MRPL30: variants seen among roughly 807,000 people sequenced by gnomAD.
MRPL30 encodes large ribosomal subunit protein uL30m.
A neutral mutation model predicts 17.2 loss-of-function variants in MRPL30; 10 were observed. The ratio of observed to expected loss-of-function variants is 0.58; its 90% CI spans 0.36 to 0.99. The LOEUF (loss-of-function observed/expected upper bound fraction) is 0.99. Ranked by LOEUF, MRPL30 falls within the 50% of genes least tolerant of loss-of-function variation. The pLI, the probability that MRPL30 is intolerant of heterozygous loss-of-function variation, is 0.01. For missense variants in MRPL30, 170 were observed against 189.8 expected, an observed-to-expected ratio of 0.90 and a Z score of 0.61; for synonymous variants, 61 against 62.1, an observed-to-expected ratio of 0.98 and a Z score of 0.08.
At chr2:99,190,594 C>G (rs915111610) in intron 3 of MRPL30, among the ~76,000 whole-genome samples, 1 of 152,144 alleles carries the variant, frequency 6.6e-6, no homozygotes, top group Non-Finnish European at 1.5e-5. Flanking sequence ...TTTTTCAAGT[C>G]ATTGTCTTTC....
At chr2:99,183,838 C>G (rs1452150292) in intron 1 of MRPL30, among the ~76,000 whole-genome samples, 1 of 152,104 alleles carries the variant, frequency 6.6e-6, no homozygotes, top group Non-Finnish European at 1.5e-5. Flanking sequence ...TTTTGCTATT[C>G]CAGGATCCCA....
At chr2:99,190,233 C>T (rs1420046992) in intron 3 of MRPL30, among the ~76,000 whole-genome samples, 1 of 152,188 alleles carries the variant, frequency 6.6e-6, no homozygotes, top group Non-Finnish European at 1.5e-5. Flanking sequence ...CCATTGACTA[C>T]TTTGATACCT....
chr2:99,194,003 A>G (rs998776312), intron 3 of MRPL30, among the ~76,000 whole-genome samples: 1 of 146,530 alleles, frequency 6.8e-6, no homozygotes, highest in Non-Finnish European at 1.5e-5. Flanking sequence ...GTGCCATTGC[A>G]CTCCAGCCTG....
At chr2:99,190,566 A>G (rs2093943226) in intron 3 of MRPL30, among the ~76,000 whole-genome samples, 1 of 152,200 alleles carries the variant, frequency 6.6e-6, no homozygotes. Flanking sequence ...TCAAAACAAA[A>G]TAAAGAAATC....
rs554061558 is a variant in MRPL30, at chr2:99,193,658, TGG to T, written c.133-1092_133-1091del. On this transcript the variant is annotated intron_variant, in intron 3 of 5. Coordinates refer to ENST00000338148, the MANE Select transcript of MRPL30 (RefSeq NM_145212.4). ...TGGTTTTTGGCTCAAGAATATATTA[TGG>T]CCATCATTCAATGTGAAGACCTGCA... Among the ~76,000 whole-genome samples, 291 of 152,354 alleles carry T rather than the reference TGG, an allele frequency of 1.9e-3. 3 individuals carry two copies. Among genetic ancestry groups the T allele is most frequent in the African/African-American group, 6.6e-3 (276 of 41,592 alleles).
intron 4 of MRPL30, 103 bp from the exon 5 acceptor site, chr2:99,195,013 T>A: frequency 7.4e-7 from 1 of 1,351,080 alleles, no homozygotes; most frequent in Non-Finnish European, 1.0e-6. Flanking sequence ...GTAATTTATT[T>A]ATAAATTTGG....
At chr2:99,187,573 C>G (rs1354387550) in intron 2 of MRPL30, among the ~76,000 whole-genome samples, 1 of 152,148 alleles carries the variant, frequency 6.6e-6, no homozygotes, top group Non-Finnish European at 1.5e-5. Context: ...CGCTTGTAAT[C>G]CCAGCACGTT....
At chr2:99,189,093 G>A (rs1378241690) in intron 3 of MRPL30, among the ~76,000 whole-genome samples, 5 of 152,086 alleles carry the variant, frequency 3.3e-5, no homozygotes, top group South Asian at 4.1e-4. Context: ...TGCTCCCTCC[G>A]CCCAGCATAT....
intron 4 of MRPL30, 77 bp from the exon 5 acceptor site, chr2:99,195,039 C>A: frequency 7.1e-7 from 1 of 1,417,774 alleles, no homozygotes; most frequent in Non-Finnish European, 9.5e-7. Flanking sequence ...AATGAACCTT[C>A]AATTTAACAT....
Position 99,195,191 on chromosome 2 carries a change from TTTG to T in MRPL30, c.353+8_353+10del. On this transcript the variant is annotated splice_donor_5th_base_variant and intron_variant, in intron 5 of 5. Transcript: ENST00000338148. ...GAAAGTAGTTAAGCATTTGATAAGG[TTTG>T]TTGTTTCTTCTCAGCTCTTTTTAAA... 6.2e-7 allele frequency: 1 copy of T among 1,601,588 alleles called. No homozygotes were observed. The highest frequency in any genetic ancestry group is 1.1e-5 in the South Asian group (1 of 89,136).
At chr2:99,190,567 T>C (rs1266969506) in intron 3 of MRPL30, among the ~76,000 whole-genome samples, 2 of 152,150 alleles carry the variant, frequency 1.3e-5, no homozygotes, top group African/African-American at 4.8e-5. Flanking sequence ...CAAAACAAAA[T>C]AAAGAAATCT....
chr2:99,186,522 G>A (rs909858775), intron 2 of MRPL30, among the ~76,000 whole-genome samples: 3 of 151,846 alleles, frequency 2.0e-5, no homozygotes, highest in African/African-American at 7.3e-5. Context: ...TCATATAGTC[G>A]GGGGTTTCAC....
intron 3 of MRPL30, among the ~76,000 whole-genome samples, chr2:99,188,617 C>T (rs1190064212): frequency 6.6e-6 from 1 of 152,172 alleles, no homozygotes; most frequent in Admixed American, 6.6e-5. Context: ...ATCATTGTTA[C>T]TTTGGATCTT....
At position 99,195,361 on chromosome 2, in the gene MRPL30, A is replaced by C. The variant is rs1308688173; in HGVS notation, c.353+172A>C. The C allele has an allele frequency of 9.7e-6, 7 of 721,658 alleles. No individual in the cohort carries two copies. The African/African-American group carries it at 1.3e-4, about 13-fold the overall frequency. 44.7% of individuals were successfully genotyped at this position (721,658 alleles called of 1,614,324 possible). ...GTACATATTTATGGGGTACATAGTGACGTTTCAATATATATAAAGTATAGT... is the reference window on the plus strand; with the variant it reads ...GTACATATTTATGGGGTACATAGTGCCGTTTCAATATATATAAAGTATAGT... On this transcript the variant is annotated intron_variant, in intron 5 of 5. Coordinates refer to ENST00000338148, the MANE Select transcript of MRPL30 (RefSeq NM_145212.4).
intron 5 of MRPL30, 39 bp from the exon 6 acceptor site, chr2:99,195,534 C>T (rs747325496): frequency 1.7e-5 from 27 of 1,573,846 alleles, no homozygotes; most frequent in East Asian, 4.5e-5. Flanking sequence ...AACGCTAGAA[C>T]GTATTCCTCC....
rs1335542899 is a variant in MRPL30 at position 99,188,866 on chromosome 2, A to G, written c.132+609A>G. Among the ~76,000 whole-genome samples, 3 of 151,836 alleles carry G rather than the reference A, an allele frequency of 2.0e-5. No individual in the cohort carries two copies. The East Asian group carries it at 5.8e-4, about 29-fold the overall frequency. On this transcript the variant is annotated intron_variant, in intron 3 of 5. Coordinates refer to ENST00000338148, the MANE Select transcript of MRPL30 (RefSeq NM_145212.4). ...CAGGCCCGTGCCACCACACCCGGCT[A>G]ATTTTTGTATTTTTAGTAGAGATGG...
chr2:99,189,349 A>G (rs1489596739), intron 3 of MRPL30, among the ~76,000 whole-genome samples: 1 of 152,120 alleles, frequency 6.6e-6, no homozygotes, highest in Admixed American at 6.5e-5. Flanking sequence ...TATTATCTCC[A>G]TAGTTTTGCC....
At chr2:99,185,542 T>G (rs1435414544) in intron 1 of MRPL30, among the ~76,000 whole-genome samples, 1 of 152,218 alleles carries the variant, frequency 6.6e-6, no homozygotes, top group Non-Finnish European at 1.5e-5. Context: ...AGTTGTTTTG[T>G]GTGTAATTAA....
intron 1 of MRPL30, among the ~76,000 whole-genome samples, chr2:99,182,720 T>C (rs1243225797): frequency 3.3e-5 from 5 of 152,218 alleles, no homozygotes; most frequent in Admixed American, 3.3e-4. Flanking sequence ...CTATCACACC[T>C]TCAGAAGTCT....
Sources: gnomAD v4.1 joint callset for allele counts (sites outside exome capture counted in the v4.1 genomes callset) on GRCh38, gnomAD v4.1.1 for gene constraint, MANE v1.5 for transcripts, NCBI Gene and HGNC (gene_info 2026-07-23, HGNC 2026-07-21) for gene names.